Variants in RGPD6 observed in about 807,000 individuals in gnomAD.
The protein encoded by RGPD6 is RANBP2 like and GRIP domain containing 6, also known as RANBP2-like and GRIP domain-containing protein 5/6.
the RGPD6 span, among the ~76,000 whole-genome samples, chr2:110,603,955 T>C: frequency 6.6e-6 from 1 of 150,598 alleles, no homozygotes; most frequent in South Asian, 2.1e-4. Context: ...ACTGTGTATT[T>C]TGTTTCCAGT....
the RGPD6 span, among the ~76,000 whole-genome samples, chr2:110,601,087 G>A: frequency 6.6e-6 from 1 of 150,402 alleles, no homozygotes; most frequent in Non-Finnish European, 1.5e-5. Flanking sequence ...GTAAACTACA[G>A]AGTCTATGGC....
At chr2:110,601,366 G>A in the RGPD6 span, among the ~76,000 whole-genome samples, 18 of 148,008 alleles carry the variant, frequency 1.2e-4, no homozygotes, top group East Asian at 3.0e-3. Flanking sequence ...CCTGAATGTC[G>A]CTTCTTGGGA....
chr2:110,589,596 C>A, the RGPD6 span, among the ~76,000 whole-genome samples: 1 of 147,270 alleles, frequency 6.8e-6, no homozygotes, highest in African/African-American at 2.6e-5. Context: ...CAAGAGAACG[C>A]CCTACAGGCA....
chr2:110,601,602 GT>G, the RGPD6 span, among the ~76,000 whole-genome samples: 18 of 147,772 alleles, frequency 1.2e-4, 1 homozygote, highest in Non-Finnish European at 2.2e-4. Context: ...GAGGGCAACT[GT>G]TTTCCTCTCT....
the RGPD6 span, among the ~76,000 whole-genome samples, chr2:110,610,050 GGGA>G: frequency 7.0e-6 from 1 of 143,380 alleles, no homozygotes; most frequent in Non-Finnish European, 1.5e-5. Flanking sequence ...GGGTGGGGTG[GGGA>G]GGAGGAGTGC....
chr2:110,604,796 A>G, the RGPD6 span, among the ~76,000 whole-genome samples: 1 of 147,934 alleles, frequency 6.8e-6, no homozygotes, highest in Non-Finnish European at 1.5e-5. Context: ...ATTAATCTGT[A>G]TTAAGCCAAA....
At chr2:110,593,381 G>C in the RGPD6 span, among the ~76,000 whole-genome samples, 1,552 of 146,022 alleles carry the variant, frequency 0.011, 49 homozygotes, top group Middle Eastern at 0.021. Context: ...TGCTTGTTTT[G>C]CTTTTCATCT....
the RGPD6 span, among the ~76,000 whole-genome samples, chr2:110,606,722 A>G: frequency 2.0e-3 from 300 of 149,252 alleles, 4 homozygotes; most frequent in African/African-American, 6.1e-3. Flanking sequence ...TTTGCCCAAG[A>G]TGTCTCCATG....
chr2:110,591,925 T>C, the RGPD6 span, among the ~76,000 whole-genome samples: 6 of 147,062 alleles, frequency 4.1e-5, 1 homozygote, highest in South Asian at 8.7e-4. Flanking sequence ...CATTTAGTTA[T>C]AGGCATCACT....
At chr2:110,605,737 C>T in the RGPD6 span, among the ~76,000 whole-genome samples, 2 of 151,404 alleles carry the variant, frequency 1.3e-5, no homozygotes, top group African/African-American at 2.4e-5. Context: ...GACTAAACTG[C>T]TAGTGCCTCT....
chr2:110,595,959 C>A, the RGPD6 span, among the ~76,000 whole-genome samples: 1 of 148,306 alleles, frequency 6.7e-6, no homozygotes, highest in Admixed American at 6.6e-5. Context: ...CATAACAAAT[C>A]AGTGACAGTA....
the RGPD6 span, among the ~76,000 whole-genome samples, chr2:110,608,458 T>C: frequency 5.3e-5 from 8 of 150,840 alleles, no homozygotes; most frequent in African/African-American, 1.7e-4. Flanking sequence ...ATTAGTTATT[T>C]TGAACCATCT....
the RGPD6 span, among the ~76,000 whole-genome samples, chr2:110,606,094 A>C: frequency 2.6e-5 from 4 of 151,840 alleles, no homozygotes; most frequent in African/African-American, 9.7e-5. Context: ...AATTCTAAAA[A>C]AAAGAAAAAA....
At chr2:110,605,239 CT>C in the RGPD6 span, among the ~76,000 whole-genome samples, 1 of 151,978 alleles carries the variant, frequency 6.6e-6, no homozygotes, top group South Asian at 2.1e-4. Context: ...CCCTTCCCCA[CT>C]GCTGCCCACA....
At chr2:110,600,052 C>T in the RGPD6 span, among the ~76,000 whole-genome samples, 1 of 152,116 alleles carries the variant, frequency 6.6e-6, no homozygotes, top group African/African-American at 2.4e-5. Flanking sequence ...ACTCAGCAGG[C>T]TCCAAGTCAA....
At chr2:110,599,052 G>GCTAAA in the RGPD6 span, among the ~76,000 whole-genome samples, 1 of 134,270 alleles carries the variant, frequency 7.4e-6, no homozygotes, top group Non-Finnish European at 1.6e-5. Flanking sequence ...TCCCAGCCTG[G>GCTAAA]CTAACTCTTA....
At chr2:110,607,142 C>T in the RGPD6 span, among the ~76,000 whole-genome samples, 6 of 149,874 alleles carry the variant, frequency 4.0e-5, no homozygotes, top group African/African-American at 1.5e-4. Flanking sequence ...TAATCAAAAG[C>T]TGGTGGACCA....
the RGPD6 span, among the ~76,000 whole-genome samples, chr2:110,605,881 C>T: frequency 6.6e-6 from 1 of 151,348 alleles, no homozygotes; most frequent in Admixed American, 6.6e-5. Context: ...TACTCCAGGA[C>T]CCATTTCAAA....
At chr2:110,605,194 C>T in the RGPD6 span, among the ~76,000 whole-genome samples, 4 of 151,978 alleles carry the variant, frequency 2.6e-5, no homozygotes, top group East Asian at 5.8e-4. Flanking sequence ...TGCTTCCCAT[C>T]GAGGGCCCCT....
Sources: gnomAD v4.1 joint callset for allele counts (sites outside exome capture counted in the v4.1 genomes callset) on GRCh38, gnomAD v4.1.1 for gene constraint, MANE v1.5 for transcripts, NCBI Gene and HGNC (gene_info 2026-07-23, HGNC 2026-07-21) for gene names.